FMN1: variants seen among roughly 807,000 people sequenced by gnomAD.
FMN1 encodes the protein formin 1, also known as formin-1.
A neutral mutation model predicts 132.4 loss-of-function variants in FMN1; 110 were observed. That is an observed-to-expected ratio of 0.83 (90% confidence interval 0.71 to 0.97). FMN1 has a LOEUF of 0.97. Among genes scored for constraint, FMN1 ranks in the 50% least tolerant of loss-of-function variants. FMN1 has a pLI of 0.00. For missense variants in FMN1, 1,792 were observed against 1,705.3 expected (o/e 1.05, Z -0.90); for synonymous variants, 722 against 651.7 (o/e 1.11, Z -1.64).
intron 9 of FMN1, among the ~76,000 whole-genome samples, chr15:32,931,863 C>T (rs1295413006): frequency 6.6e-6 from 1 of 152,100 alleles, no homozygotes; most frequent in Non-Finnish European, 1.5e-5. Flanking sequence ...CTTTCTATTC[C>T]TTCTAAAGAA....
chr15:33,127,066 G>A (rs913837216), intron 4 of FMN1, among the ~76,000 whole-genome samples: 1 of 152,176 alleles, frequency 6.6e-6, no homozygotes, highest in African/African-American at 2.4e-5. Context: ...GCTTTCTGCT[G>A]TTTTCCAGGC....
At chr15:33,106,730 T>C (rs2039502394) in intron 4 of FMN1, among the ~76,000 whole-genome samples, 1 of 152,048 alleles carries the variant, frequency 6.6e-6, no homozygotes, top group Admixed American at 6.6e-5. Context: ...TACAATAGGA[T>C]GTTCAGCAGC....
intron 5 of FMN1, among the ~76,000 whole-genome samples, chr15:33,085,253 A>G (rs1419751648): frequency 6.6e-6 from 1 of 152,110 alleles, no homozygotes; most frequent in Non-Finnish European, 1.5e-5. Flanking sequence ...TAGGATACAC[A>G]TTTGTTCTAA....
chr15:33,031,867 G>A (rs1018529016), intron 6 of FMN1, among the ~76,000 whole-genome samples: 1 of 152,182 alleles, frequency 6.6e-6, no homozygotes, highest in African/African-American at 2.4e-5. Context: ...GTTCAACCTT[G>A]TTGGTAAACA....
chr15:32,930,609 T>C (rs2061088487), intron 9 of FMN1, among the ~76,000 whole-genome samples: 1 of 152,168 alleles, frequency 6.6e-6, no homozygotes, highest in Non-Finnish European at 1.5e-5. Flanking sequence ...TGCAAATATT[T>C]TTTCCCATTC....
At chr15:32,908,222 G>A (rs1233936099) in intron 12 of FMN1, 2 of 372,796 alleles carry the variant, frequency 5.4e-6, no homozygotes, top group African/African-American at 2.0e-5. Flanking sequence ...GTTTAGTCTA[G>A]GAGGAATTAA....
chr15:33,160,745 C>G (rs767534977), intron 3 of FMN1, among the ~76,000 whole-genome samples: 3 of 152,174 alleles, frequency 2.0e-5, no homozygotes, highest in Non-Finnish European at 4.4e-5. Context: ...GTGACCTGCT[C>G]TGGTTATGTT....
chr15:33,077,337 TC>T (rs1270944903), intron 5 of FMN1, among the ~76,000 whole-genome samples: 3 of 137,788 alleles, frequency 2.2e-5, no homozygotes, highest in Admixed American at 7.8e-5. Flanking sequence ...GCCCGGCCCA[TC>T]CTTTTTTTTT....
At chr15:33,181,565 A>C (rs1289886376) in intron 2 of FMN1, among the ~76,000 whole-genome samples, 1 of 152,206 alleles carries the variant, frequency 6.6e-6, no homozygotes, top group African/African-American at 2.4e-5. Flanking sequence ...TTAGAGCAAC[A>C]GGTAGGAGTC....
rs1348785027 is a variant in FMN1 at position 33,153,217 on chromosome 15, G to A, written c.1698C>T (p.Val566=). Residue 566 remains valine, a synonymous_variant, in exon 4 of 21, where the codon GTC becomes GTT. Transcript: ENST00000616417. The part of the protein sequence containing the change: ...CRKSRVFSGC[V]SADTLEPPSS... The stretch of plus-strand genomic sequence containing the variant: ...ATGGTGGCTCCAAGGTGTCAGCAGA[G>A]ACGCACCCAGAGAAGACACGGCTCT... The A allele has an allele frequency of 2.3e-5, 35 of 1,536,126 alleles. No individual in the cohort carries two copies. The East Asian group carries it at 8.6e-4, about 38-fold the overall frequency.
chr15:33,188,417 G>C (rs1329737071), intron 2 of FMN1, among the ~76,000 whole-genome samples: 1 of 152,058 alleles, frequency 6.6e-6, no homozygotes, highest in East Asian at 1.9e-4. Context: ...CTGTTGCCCT[G>C]GGTCCATGTC....
chr15:33,123,635 C>A (rs1012758235), intron 4 of FMN1, among the ~76,000 whole-genome samples: 1 of 152,082 alleles, frequency 6.6e-6, no homozygotes, highest in Non-Finnish European at 1.5e-5. Context: ...GATCAAACAG[C>A]TAGCTATTTT....
intron 4 of FMN1, among the ~76,000 whole-genome samples, chr15:33,091,441 G>C (rs1305498741): frequency 6.6e-6 from 1 of 152,180 alleles, no homozygotes; most frequent in African/African-American, 2.4e-5. Context: ...AATGGTTTTA[G>C]TTTTAAAGAG....
intron 4 of FMN1, among the ~76,000 whole-genome samples, chr15:33,120,409 G>A (rs1366137479): frequency 6.6e-6 from 1 of 152,092 alleles, no homozygotes; most frequent in Admixed American, 6.5e-5. Context: ...TTTACAGAGT[G>A]GTTAGCTACT....
chr15:33,001,363 A>C (rs2034096211), intron 7 of FMN1, among the ~76,000 whole-genome samples: 1 of 152,224 alleles, frequency 6.6e-6, no homozygotes, highest in South Asian at 2.1e-4. Flanking sequence ...GATTATTTAA[A>C]TGAATCAATT....
At chr15:33,183,170 C>A (rs986832857) in intron 2 of FMN1, among the ~76,000 whole-genome samples, 3 of 152,198 alleles carry the variant, frequency 2.0e-5, no homozygotes, top group Non-Finnish European at 4.4e-5. Context: ...GAATGACTTA[C>A]AATCAAACCC....
rs1465408250 is a variant in FMN1 at position 33,071,203 on chromosome 15, C to A, written c.2044-6129G>T. ...CAACCTTATACTGAGGATGACTGTTCTTTTCTTTTGCATAACTTGGGGAAA... is the reference window on the plus strand; with the variant it reads ...CAACCTTATACTGAGGATGACTGTTATTTTCTTTTGCATAACTTGGGGAAA... On this transcript the variant is annotated intron_variant, in intron 5 of 20. Coordinates refer to ENST00000616417, the MANE Select transcript of FMN1 (RefSeq NM_001277313.2). 2.0e-5 allele frequency among the ~76,000 whole-genome samples: 3 copies of A among 152,158 alleles called. No homozygotes were observed. The East Asian group carries it at 5.8e-4, about 29-fold the overall frequency.
intron 17 of FMN1, among the ~76,000 whole-genome samples, chr15:32,846,120 CG>C (rs1567261847): frequency 6.6e-6 from 1 of 152,162 alleles, no homozygotes; most frequent in African/African-American, 2.4e-5. Flanking sequence ...TTGTGCCTAT[CG>C]TTAATAAGAC....
At chr15:33,028,514 A>AAAAAAT (rs71113497) in intron 6 of FMN1, among the ~76,000 whole-genome samples, 2 of 150,266 alleles carry the variant, frequency 1.3e-5, no homozygotes, top group East Asian at 1.9e-4. Context: ...ACTACAGAGG[A>AAAAAAT]AAAAATAAAA....
Sources: allele counts gnomAD v4.1 joint callset (sites outside exome capture counted in the v4.1 genomes callset), GRCh38; gene constraint gnomAD v4.1.1; transcripts MANE v1.5; gene names NCBI Gene and HGNC (gene_info 2026-07-23, HGNC 2026-07-21).